Variants in FHIP1A observed in about 807,000 individuals in gnomAD.
FHIP1A encodes FHF complex subunit HOOK-interacting protein 1A.
FHIP1A carries 61 observed loss-of-function variants against 88.6 expected under a neutral mutation model. That is an observed-to-expected ratio of 0.69 (90% CI 0.56 to 0.85). The LOEUF is 0.85. Ranked by LOEUF, FHIP1A falls within the 40% of genes least tolerant of loss-of-function variation. The pLI is 0.00. For missense variants in FHIP1A, 1,154 were observed against 1,273.5 expected (o/e 0.91, Z 1.43); for synonymous variants, 478 against 496.0 (o/e 0.96, Z 0.48).
At position 151,650,650 on chromosome 4, in the gene FHIP1A, A is replaced by G. The variant is rs1044154407; in HGVS notation, c.2551+58A>G. 8.1e-6 allele frequency: 12 copies of G among 1,481,272 alleles called. No individual in the cohort carries two copies. In the African/African-American group the frequency reaches 1.7e-4, roughly 21 times the overall value. The allele number at this position is 1,481,272 out of a possible 1,614,324, so 91.8% of individuals were successfully genotyped here. On this transcript the variant is annotated intron_variant, in intron 11 of 13. Coordinates refer to ENST00000435205, the MANE Select transcript of FHIP1A (RefSeq NM_001109977.3). ...TTTCGAAAGTACTTGTATATATTGG[A>G]ACAGGAAAGGAAGGTAGGAAAAGGT...
intron 3 of FHIP1A, among the ~76,000 whole-genome samples, chr4:151,539,991 G>A (rs891852511): frequency 6.6e-6 from 1 of 152,140 alleles, no homozygotes; most frequent in African/African-American, 2.4e-5. Flanking sequence ...TCATACTGAG[G>A]TTCTTCTCAA....
At chr4:151,486,537 A>G (rs1456323031) in intron 3 of FHIP1A, among the ~76,000 whole-genome samples, 1 of 152,168 alleles carries the variant, frequency 6.6e-6, no homozygotes, top group Non-Finnish European at 1.5e-5. Flanking sequence ...CACTTTCTTC[A>G]AGCCCAAAAT....
chr4:151,603,384 C>T (rs138283683), intron 7 of FHIP1A, among the ~76,000 whole-genome samples: 11 of 152,144 alleles, frequency 7.2e-5, no homozygotes, highest in Admixed American at 4.6e-4. Flanking sequence ...TCCCTGGACC[C>T]GGGTTTCCTC....
chr4:151,412,683 CTTTCT>C lies in FHIP1A; in HGVS notation c.-356+3222_-356+3226del, dbSNP rs201042760. 8.1e-3 allele frequency among the ~76,000 whole-genome samples: 641 copies of C among 79,184 alleles called. 8 individuals are homozygous for C. The highest frequency in any genetic ancestry group is 0.028 in the African/African-American group (563 of 20,454). The allele number at this position is 79,184 out of a possible 152,430, so 51.9% of individuals were successfully genotyped here. A position where few individuals can be genotyped will look rare whatever the true frequency, so the allele number is the denominator to read the frequency against. On this transcript the variant is annotated intron_variant, in intron 1 of 13. Transcript: ENST00000435205. Reference sequence around the variant, plus strand: ...TCTTTCTTTCTCTCTCTCTCTCTTTCTTTCTTTTTTTTTTTTTTTTGATGGAGTTT... The same window carrying C: ...TCTTTCTTTCTCTCTCTCTCTCTTTCTTTTTTTTTTTTTTTGATGGAGTTT...
intron 3 of FHIP1A, among the ~76,000 whole-genome samples, chr4:151,513,827 G>C (rs958598341): frequency 1.5e-4 from 22 of 150,484 alleles, no homozygotes; most frequent in Non-Finnish European, 3.0e-5. Context: ...CCTACAAAGA[G>C]ACTTAGACTC....
intron 4 of FHIP1A, among the ~76,000 whole-genome samples, chr4:151,573,057 G>A (rs1157377105): frequency 2.6e-5 from 4 of 152,194 alleles, no homozygotes; most frequent in African/African-American, 4.8e-5. Context: ...ACTACTTAGT[G>A]AAAGAAATAC....
chr4:151,474,771 C>G (rs1671237100), intron 2 of FHIP1A, among the ~76,000 whole-genome samples: 1 of 152,192 alleles, frequency 6.6e-6, no homozygotes, highest in African/African-American at 2.4e-5. Context: ...AGGGCATGTG[C>G]AGATGAAGGT....
chr4:151,516,391 G>A (rs563057773), intron 3 of FHIP1A, among the ~76,000 whole-genome samples: 2 of 151,920 alleles, frequency 1.3e-5, no homozygotes, highest in African/African-American at 4.8e-5. Flanking sequence ...ATAGGCATGG[G>A]CAAGGACTTC....
chr4:151,556,402 G>A (rs1732948905), intron 3 of FHIP1A, among the ~76,000 whole-genome samples: 1 of 152,110 alleles, frequency 6.6e-6, no homozygotes, highest in Non-Finnish European at 1.5e-5. Flanking sequence ...CAGTGTTTGT[G>A]TGCTATATTT....
At chr4:151,511,282 T>G (rs1352642687) in intron 3 of FHIP1A, among the ~76,000 whole-genome samples, 1 of 152,238 alleles carries the variant, frequency 6.6e-6, no homozygotes, top group Non-Finnish European at 1.5e-5. Flanking sequence ...AAAATATTCA[T>G]GAAATGCAAT....
chr4:151,449,315 G>C (rs923862242), intron 1 of FHIP1A, among the ~76,000 whole-genome samples: 2 of 152,212 alleles, frequency 1.3e-5, no homozygotes, highest in South Asian at 4.2e-4. Flanking sequence ...AGGAAACTGA[G>C]GTATGGAGAA....
intron 2 of FHIP1A, among the ~76,000 whole-genome samples, 151 bp from the exon 3 acceptor site, chr4:151,482,369 CTTAT>C (rs551488777): frequency 3.6e-4 from 54 of 151,986 alleles, no homozygotes; most frequent in African/African-American, 1.3e-3. Flanking sequence ...TTGCTTTTTG[CTTAT>C]TTATTTATTT....
chr4:151,603,330 G>T (rs1333997553), intron 7 of FHIP1A, among the ~76,000 whole-genome samples: 2 of 151,658 alleles, frequency 1.3e-5, no homozygotes, highest in African/African-American at 2.4e-5. Flanking sequence ...AAAAAAGAGA[G>T]ATTGTAAAGA....
chr4:151,559,754 A>T (rs190855637), intron 3 of FHIP1A, among the ~76,000 whole-genome samples: 110 of 152,300 alleles, frequency 7.2e-4, no homozygotes, highest in Admixed American at 7.1e-3. Context: ...GTAGCTATAG[A>T]TAGAGAGTTA....
At chr4:151,450,868 C>T (rs564172359) in intron 1 of FHIP1A, among the ~76,000 whole-genome samples, 2 of 152,134 alleles carry the variant, frequency 1.3e-5, no homozygotes, top group African/African-American at 4.8e-5. Context: ...ACTTCTGACT[C>T]CCGGGTTCAA....
chr4:151,656,423 AACCCACATCCAC>A lies in FHIP1A; in HGVS notation c.2730+17_2730+28del. On this transcript the variant is annotated intron_variant, in intron 12 of 13. Transcript: ENST00000435205. The surrounding 1 kb of genome is among the most constrained non-coding windows in gnomAD (Gnocchi z 4.2). ...CTCTCTCTATCAGGTATGTTAGCTGAACCCACATCCACACCTGTTGATTTTGTGGGTGCTAAT... is the reference window on the plus strand; with the variant it reads ...CTCTCTCTATCAGGTATGTTAGCTGAACCTGTTGATTTTGTGGGTGCTAAT... 1 of 1,550,928 alleles carries A rather than the reference AACCCACATCCAC, an allele frequency of 6.4e-7. No homozygotes were observed. Among genetic ancestry groups the A allele is most frequent in the Non-Finnish European group, 8.7e-7 (1 of 1,146,458 alleles).
At chr4:151,553,157 A>G (rs997396992) in intron 3 of FHIP1A, among the ~76,000 whole-genome samples, 3 of 152,206 alleles carry the variant, frequency 2.0e-5, no homozygotes, top group Admixed American at 2.0e-4. Flanking sequence ...GCCAGGAGTC[A>G]AATTGCAGAA....
intron 1 of FHIP1A, among the ~76,000 whole-genome samples, chr4:151,438,996 A>G (rs569346847): frequency 7.2e-5 from 11 of 152,298 alleles, no homozygotes; most frequent in Admixed American, 7.2e-4. Context: ...AGGACACTTT[A>G]TTGAATTAAT....
intron 3 of FHIP1A, among the ~76,000 whole-genome samples, chr4:151,555,951 AT>A (rs1732930721): frequency 6.6e-6 from 1 of 152,000 alleles, no homozygotes; most frequent in Non-Finnish European, 1.5e-5. Flanking sequence ...CATCCCTTTT[AT>A]TTTTTTCTTA....
Sources: gnomAD v4.1 joint callset for allele counts (sites outside exome capture counted in the v4.1 genomes callset) on GRCh38, gnomAD v4.1.1 for gene constraint, Gnocchi (gnomAD v3.1) non-coding constraint, MANE v1.5 for transcripts, NCBI Gene and HGNC (gene_info 2026-07-23, HGNC 2026-07-21) for gene names.